Variants in PPP2R2A observed in about 807,000 individuals in gnomAD.
PPP2R2A encodes the protein serine/threonine-protein phosphatase 2A 55 kDa regulatory subunit B alpha isoform.
A neutral mutation model predicts 53.2 loss-of-function variants in PPP2R2A; 9 were observed. The observed-to-expected ratio is 0.17, with a 90% CI of 0.10 to 0.30. The LOEUF is 0.30. Ranked by LOEUF, PPP2R2A falls within the 10% of genes least tolerant of loss-of-function variation. The pLI, the probability that PPP2R2A is intolerant of heterozygous loss-of-function variation, is 1.00. For missense variants in PPP2R2A, 235 were observed against 534.6 expected (o/e 0.44, Z 5.53); for synonymous variants, 169 against 174.2 (o/e 0.97, Z 0.23).
rs191344613 is a variant in PPP2R2A at position 26,362,234 on chromosome 8, G to A, written c.638-450G>A. ...AGGCCGGGCACAGTGACTCATGCCTGTAATCCCAGCACTTTGGGAGGCTGA... is the reference window on the plus strand; with the variant it reads ...AGGCCGGGCACAGTGACTCATGCCTATAATCCCAGCACTTTGGGAGGCTGA... On this transcript the variant is annotated intron_variant, in intron 6 of 9. Transcript: ENST00000380737. The surrounding 1 kb of genome is among the most constrained non-coding windows in gnomAD (Gnocchi z 4.4). Among the ~76,000 whole-genome samples the A allele has an allele frequency of 2.5e-3, 387 of 151,876 alleles. 2 individuals carry two copies. The highest frequency in any genetic ancestry group is 6.8e-3 in the Middle Eastern group (2 of 294).
intron 3 of PPP2R2A, among the ~76,000 whole-genome samples, chr8:26,340,131 G>A (rs970367379): frequency 2.6e-5 from 4 of 151,876 alleles, no homozygotes; most frequent in African/African-American, 9.7e-5. Flanking sequence ...GAAGTGGGGG[G>A]CTAAATCAGT....
intron 3 of PPP2R2A, among the ~76,000 whole-genome samples, chr8:26,340,644 T>C (rs1803895560): frequency 2.6e-5 from 4 of 152,122 alleles, no homozygotes; most frequent in Admixed American, 2.6e-4. Flanking sequence ...CTATTTTGCC[T>C]GAGAATGAAG....
At chr8:26,311,204 TAGTA>T (rs541440027) in intron 2 of PPP2R2A, among the ~76,000 whole-genome samples, 16 of 152,222 alleles carry the variant, frequency 1.1e-4, no homozygotes, top group Admixed American at 1.3e-4. Flanking sequence ...TTTTGGCACA[TAGTA>T]AGCCTCAGAA....
At chr8:26,311,386 T>G (rs966569567) in intron 2 of PPP2R2A, among the ~76,000 whole-genome samples, 4 of 152,232 alleles carry the variant, frequency 2.6e-5, no homozygotes, top group Non-Finnish European at 5.9e-5. Flanking sequence ...CATTAATGAC[T>G]AACATTTCAG....
intron 2 of PPP2R2A, among the ~76,000 whole-genome samples, chr8:26,303,346 A>AT (rs1396680253): frequency 6.6e-6 from 1 of 152,196 alleles, no homozygotes; most frequent in South Asian, 2.1e-4. Context: ...AGGTCCAACT[A>AT]TCAGGAACAC....
chr8:26,358,624 C>T (rs1563321918), intron 4 of PPP2R2A, among the ~76,000 whole-genome samples: 1 of 152,180 alleles, frequency 6.6e-6, no homozygotes, highest in East Asian at 1.9e-4. Flanking sequence ...TGGCATCTCT[C>T]TGAGTTGTTT....
rs1804672932 is a variant in PPP2R2A, at chr8:26,354,445, A to G, written c.181-23A>G. The G allele has an allele frequency of 1.3e-6, 2 of 1,491,630 alleles. No individual in the cohort carries two copies. The highest frequency in any genetic ancestry group is 9.0e-7 in the Non-Finnish European group (1 of 1,107,394). 92.4% of individuals were successfully genotyped at this position (1,491,630 alleles called of 1,614,324 possible). The stretch of plus-strand genomic sequence containing the variant: ...TTGAAATATTTTTCAACAATGGTCC[A>G]TATATTTTTGTTTTCATTTTAGAAC... On this transcript the variant is annotated intron_variant, in intron 3 of 9. Coordinates refer to ENST00000380737, the MANE Select transcript of PPP2R2A (RefSeq NM_002717.4). This position sits in a 1 kb window ranked among gnomAD's most constrained non-coding sequence, Gnocchi z 4.6.
intron 2 of PPP2R2A, among the ~76,000 whole-genome samples, chr8:26,300,662 T>A (rs760822110): frequency 2.0e-5 from 3 of 152,176 alleles, no homozygotes; most frequent in African/African-American, 4.8e-5. Flanking sequence ...GAGACCAGCC[T>A]GGCCAATATG....
chr8:26,354,722 A>G lies in PPP2R2A; in HGVS notation c.346+89A>G, dbSNP rs1273963411. On this transcript the variant is annotated intron_variant, in intron 4 of 9. Transcript: ENST00000380737. This position sits in a 1 kb window ranked among gnomAD's most constrained non-coding sequence, Gnocchi z 4.6. ...CTAGGAGAGGAATCATTTAACAGAG[A>G]TACTTGTAAAAAGGACTTTTGTTTT... The G allele has an allele frequency of 1.7e-6, 2 of 1,207,562 alleles. No individual in the cohort carries two copies. The highest frequency in any genetic ancestry group is 2.2e-6 in the Non-Finnish European group (2 of 923,510). 74.8% of individuals were successfully genotyped at this position (1,207,562 alleles called of 1,614,324 possible).
rs1028167565 is a variant in PPP2R2A, at chr8:26,321,156, G to A, written c.83-17734G>A. On this transcript the variant is annotated intron_variant, in intron 2 of 9. Coordinates refer to ENST00000380737, the MANE Select transcript of PPP2R2A (RefSeq NM_002717.4). This position sits in a 1 kb window ranked among gnomAD's most constrained non-coding sequence, Gnocchi z 4.1. Reference sequence around the variant, plus strand: ...GAAGGCCTTAGTGTTCATTTCTGTGGTTGTGAAGCGCTAGTAGGAGTAAGT... The same window carrying A: ...GAAGGCCTTAGTGTTCATTTCTGTGATTGTGAAGCGCTAGTAGGAGTAAGT... Among the ~76,000 whole-genome samples the A allele has an allele frequency of 7.9e-5, 12 of 152,210 alleles. No homozygotes were observed.
chr8:26,310,009 G>A (rs1444203596), intron 2 of PPP2R2A, among the ~76,000 whole-genome samples: 5 of 151,500 alleles, frequency 3.3e-5, no homozygotes, highest in African/African-American at 1.2e-4. Flanking sequence ...TCGGCCAGGC[G>A]TGGTGGCTCA....
chr8:26,296,226 C>T (rs1432237527), intron 2 of PPP2R2A, among the ~76,000 whole-genome samples: 1 of 152,164 alleles, frequency 6.6e-6, no homozygotes, highest in African/African-American at 2.4e-5. Context: ...TTGTCATTTT[C>T]CTCATAAGTC....
In PPP2R2A at chr8:26,338,569, G is replaced by GT. The variant is rs1195055203; in HGVS notation, c.83-318dup. On this transcript the variant is annotated intron_variant, in intron 2 of 9. Coordinates refer to ENST00000380737, the MANE Select transcript of PPP2R2A (RefSeq NM_002717.4). This position sits in a 1 kb window ranked among gnomAD's most constrained non-coding sequence, Gnocchi z 4.5. The stretch of plus-strand genomic sequence containing the variant: ...TATATAAGAAAATTAGCAAGATAAT[G>GT]TTTAAGGGTGCTATCAGAATGATTC... Among the ~76,000 whole-genome samples the GT allele has an allele frequency of 6.6e-6, 1 of 152,226 alleles. No homozygotes were observed. Among genetic ancestry groups the GT allele is most frequent in the Non-Finnish European group, 1.5e-5 (1 of 68,042 alleles).
intron 2 of PPP2R2A, among the ~76,000 whole-genome samples, chr8:26,325,867 C>T (rs1321035056): frequency 6.6e-6 from 1 of 151,894 alleles, no homozygotes; most frequent in Non-Finnish European, 1.5e-5. Flanking sequence ...AGGGCCTCAC[C>T]CTGTCACCCA....
At chr8:26,335,011 TTGTA>T (rs1041569312) in intron 2 of PPP2R2A, among the ~76,000 whole-genome samples, 1 of 152,180 alleles carries the variant, frequency 6.6e-6, no homozygotes, top group Non-Finnish European at 1.5e-5. Context: ...GCAGCGATGT[TTGTA>T]TGGCACACTG....
chr8:26,332,654 A>G (rs527738314), intron 2 of PPP2R2A, among the ~76,000 whole-genome samples: 120 of 152,278 alleles, frequency 7.9e-4, no homozygotes, highest in Non-Finnish European at 1.3e-3. Context: ...TAGGGGGTAG[A>G]ATTTAGAATG....
chr8:26,291,567 C>G lies in PPP2R2A; in HGVS notation c.-253C>G, dbSNP rs1275204546. 3.7e-6 allele frequency: 2 copies of G among 538,820 alleles called. No individual in the cohort carries two copies. Among genetic ancestry groups the G allele is most frequent in the Non-Finnish European group, 3.3e-6 (1 of 304,910 alleles). 33.4% of individuals were successfully genotyped at this position (538,820 alleles called of 1,614,324 possible). On this transcript the variant is annotated 5_prime_UTR_variant, in exon 1 of 10. Coordinates refer to ENST00000380737, the MANE Select transcript of PPP2R2A (RefSeq NM_002717.4). ...CTGCCCCTGCCGCTGCCGCCGCCGC[C>G]GTCGCTGTCGTAGTCGCCGCCGCCG...
chr8:26,293,744 A>G lies in PPP2R2A; in HGVS notation c.82+4A>G. 6.2e-7 allele frequency: 1 copy of G among 1,613,458 alleles called. No homozygotes were observed. Among genetic ancestry groups the G allele is most frequent in the Non-Finnish European group, 8.5e-7 (1 of 1,179,550 alleles). On this transcript the variant is annotated splice_donor_region_variant and intron_variant, in intron 2 of 9. Coordinates refer to ENST00000380737, the MANE Select transcript of PPP2R2A (RefSeq NM_002717.4). ...GTAGATGATGATGTAGCAGAAGGTAAGAAAGCGTTTAATGCAAAATTTGGA... is the reference window on the plus strand; with the variant it reads ...GTAGATGATGATGTAGCAGAAGGTAGGAAAGCGTTTAATGCAAAATTTGGA...
At chr8:26,368,601 T>G (rs947451666) in intron 9 of PPP2R2A, among the ~76,000 whole-genome samples, 2 of 152,186 alleles carry the variant, frequency 1.3e-5, no homozygotes, top group Non-Finnish European at 2.9e-5. Context: ...TAAGAAAATA[T>G]TACAGCCTGG....
Sources: allele counts gnomAD v4.1 joint callset (sites outside exome capture counted in the v4.1 genomes callset), GRCh38; gene constraint gnomAD v4.1.1; non-coding constraint Gnocchi (gnomAD v3.1); transcripts MANE v1.5; gene names NCBI Gene and HGNC (gene_info 2026-07-23, HGNC 2026-07-21).